The following GAB2 variants were observed in gnomAD, a reference collection of about 807,000 sequenced individuals.
GAB2 encodes the protein GRB2 associated binding protein 2, also known as GRB2-associated-binding protein 2.
In GAB2, 26 loss-of-function variants were observed where a neutral mutation model predicts 65.5. The observed-to-expected ratio is 0.40, with a 90% confidence interval of 0.29 to 0.55. The LOEUF (loss-of-function observed/expected upper bound fraction) is 0.55. GAB2 is among the 20% of genes least tolerant of loss of function. The pLI is 0.53. For missense variants in GAB2, 884 were observed against 875.8 expected (o/e 1.01, Z -0.12); for synonymous variants, 321 against 329.6 (o/e 0.97, Z 0.28).
intron 2 of GAB2, among the ~76,000 whole-genome samples, chr11:78,255,268 G>T (rs975331006): frequency 9.2e-5 from 14 of 152,146 alleles, no homozygotes; most frequent in Non-Finnish European, 2.9e-5. Flanking sequence ...AGAGCACCCA[G>T]AAGGAACCAA....
intron 8 of GAB2, 72 bp downstream of exon 8, chr11:78,221,605 G>A (rs1864426302): frequency 1.2e-6 from 1 of 840,312 alleles, no homozygotes; most frequent in Non-Finnish European, 2.0e-6. Flanking sequence ...GCTAAGCTGG[G>A]AAGTGGGGAA....
At chr11:78,383,299 A>G (rs1171794161) in intron 1 of GAB2, among the ~76,000 whole-genome samples, 4 of 152,058 alleles carry the variant, frequency 2.6e-5, no homozygotes, top group Non-Finnish European at 5.9e-5. Context: ...AAATGAAATA[A>G]TCTTCCAGAA....
At chr11:78,260,979 G>A (rs2134545016) in intron 2 of GAB2, among the ~76,000 whole-genome samples, 1 of 152,240 alleles carries the variant, frequency 6.6e-6, no homozygotes, top group East Asian at 1.9e-4. Flanking sequence ...GGAGGCAAAG[G>A]CAGGAGGATC....
intron 6 of GAB2, 131 bp downstream of exon 6, chr11:78,223,281 C>G (rs564839597): frequency 1.5e-6 from 1 of 687,678 alleles, no homozygotes; most frequent in Non-Finnish European, 2.3e-6. Flanking sequence ...GATAAGAAAA[C>G]TGAGACTCAG....
At chr11:78,406,196 A>G (rs2135088690) in intron 1 of GAB2, among the ~76,000 whole-genome samples, 1 of 152,320 alleles carries the variant, frequency 6.6e-6, no homozygotes, top group South Asian at 2.1e-4. Flanking sequence ...AGTAATGAGG[A>G]CTACCTTCCT....
At chr11:78,311,850 C>T (rs2134645208) in intron 1 of GAB2, among the ~76,000 whole-genome samples, 2 of 152,260 alleles carry the variant, frequency 1.3e-5, no homozygotes, top group African/African-American at 4.8e-5. Context: ...CCTACAGAAG[C>T]TCAATCCCAC....
chr11:78,223,564 G>C lies in GAB2; in HGVS notation c.1415C>G (p.Ser472Cys), dbSNP rs752022689. The change falls in exon 6 of 10, where the codon TCC becomes TGC. Residue 472 changes from serine (S) to cysteine (C), a missense_variant. Physicochemically the swap from Ser to Cys is moderately radical, Grantham distance 112 (BLOSUM62 -1). Coordinates refer to ENST00000361507, the MANE Select transcript of GAB2 (RefSeq NM_080491.3). Reference protein sequence around the residue: ...LLAMERAGDNSQSVYIPMSPG... With the variant: ...LLAMERAGDNCQSVYIPMSPG... ...GCTCATTGGGATGTAGACGCTCTGG[G>C]AATTATCACCTGCTCGTTCCATGGC... The C allele has an allele frequency of 6.2e-7, 1 of 1,613,846 alleles. No homozygotes were observed.
intron 1 of GAB2, among the ~76,000 whole-genome samples, chr11:78,304,103 T>TG (rs1855297792): frequency 6.6e-6 from 1 of 152,086 alleles, no homozygotes; most frequent in Non-Finnish European, 1.5e-5. Context: ...GCTTTCTTCT[T>TG]GTGTCAGTTT....
chr11:78,272,707 G>A (rs1463903318), intron 2 of GAB2, among the ~76,000 whole-genome samples: 1 of 152,196 alleles, frequency 6.6e-6, no homozygotes, highest in Non-Finnish European at 1.5e-5. Context: ...ATTTGCATAA[G>A]TAAGGAGGAG....
chr11:78,250,454 C>A, intron 2 of GAB2, 54 bp from the exon 3 acceptor site: 1 of 1,522,234 alleles, frequency 6.6e-7, no homozygotes, highest in Non-Finnish European at 9.1e-7. Context: ...GTATCCTTAT[C>A]CCAAAGTGAG....
At chr11:78,331,049 C>T (rs1855905070) in intron 1 of GAB2, among the ~76,000 whole-genome samples, 1 of 151,850 alleles carries the variant, frequency 6.6e-6, no homozygotes, top group Non-Finnish European at 1.5e-5. Context: ...GTGGTGGGCA[C>T]CTGTAATCCC....
At chr11:78,411,151 G>A (rs1312907404) in intron 1 of GAB2, among the ~76,000 whole-genome samples, 1 of 148,880 alleles carries the variant, frequency 6.7e-6, no homozygotes, top group African/African-American at 2.6e-5. Context: ...GATTCTGGTG[G>A]GGGTGGTTGG....
chr11:78,296,790 G>C (rs564270806), intron 1 of GAB2, among the ~76,000 whole-genome samples: 1 of 152,270 alleles, frequency 6.6e-6, no homozygotes, highest in South Asian at 2.1e-4. Flanking sequence ...AAATACCTCA[G>C]ACTGTTATTT....
chr11:78,245,591 C>T (rs1865272300), intron 3 of GAB2, among the ~76,000 whole-genome samples: 1 of 152,214 alleles, frequency 6.6e-6, no homozygotes, highest in Non-Finnish European at 1.5e-5. Flanking sequence ...AAAGGGAGCT[C>T]TTCATACTAA....
intron 1 of GAB2, among the ~76,000 whole-genome samples, chr11:78,316,244 C>T (rs1382008961): frequency 6.6e-6 from 1 of 152,122 alleles, no homozygotes; most frequent in Non-Finnish European, 1.5e-5. Flanking sequence ...CTTCTCTCTT[C>T]CCCAGCTTCC....
At chr11:78,242,370 C>T (rs749994299) in intron 3 of GAB2, among the ~76,000 whole-genome samples, 32 of 151,946 alleles carry the variant, frequency 2.1e-4, no homozygotes, top group African/African-American at 6.5e-4. Flanking sequence ...GGTGTGGTGG[C>T]GGGCACCTGT....
intron 1 of GAB2, among the ~76,000 whole-genome samples, chr11:78,414,522 G>T (rs1318790681): frequency 1.3e-5 from 2 of 151,944 alleles, no homozygotes; most frequent in African/African-American, 4.8e-5. Flanking sequence ...TTTTCCTCAA[G>T]AAAATTCTGT....
At chr11:78,300,965 G>A (rs927313868) in intron 1 of GAB2, among the ~76,000 whole-genome samples, 2 of 152,126 alleles carry the variant, frequency 1.3e-5, no homozygotes, top group African/African-American at 4.8e-5. Context: ...AAAGTGCTGG[G>A]ATTACAGGTG....
Position 78,399,903 on chromosome 11 carries a change from G to T in GAB2, c.75+17743C>A, listed in dbSNP as rs1434309732. 2.6e-5 allele frequency among the ~76,000 whole-genome samples: 4 copies of T among 152,144 alleles called. No homozygotes were observed. In the East Asian group the frequency reaches 5.8e-4, roughly 22 times the overall value. Reference sequence around the variant, plus strand: ...AAGAAGTGGCCTCAGTGAATTAAAAGAATTAAGTCATTTGCTTAATGACCC... The same window carrying T: ...AAGAAGTGGCCTCAGTGAATTAAAATAATTAAGTCATTTGCTTAATGACCC... On this transcript the variant is annotated intron_variant, in intron 1 of 9. Transcript: ENST00000361507.
Sources: gnomAD v4.1 joint callset for allele counts (sites outside exome capture counted in the v4.1 genomes callset) on GRCh38, gnomAD v4.1.1 for gene constraint, MANE v1.5 for transcripts, NCBI Gene and HGNC (gene_info 2026-07-23, HGNC 2026-07-21) for gene names.